ADAMTSL2: variants seen among roughly 807,000 people sequenced by gnomAD.
ADAMTSL2 encodes ADAMTS-like protein 2.
ADAMTSL2 carries 55 observed loss-of-function variants against 117.0 expected under a neutral mutation model. That is an observed-to-expected ratio of 0.47 (90% CI 0.38 to 0.59). The LOEUF is 0.59. ADAMTSL2 is among the 20% of genes least tolerant of loss of function. ADAMTSL2 has a pLI of 0.00. For synonymous variants in ADAMTSL2, 572 were observed against 566.4 expected (o/e 1.01, Z -0.14); for missense variants, 1,182 against 1,354.5 (o/e 0.87, Z 2.00).
chr9:133,532,548 C>G (rs549671819), upstream of ADAMTSL2: 15 of 152,356 alleles, frequency 9.8e-5, no homozygotes, highest in Non-Finnish European at 1.3e-4. Flanking sequence ...GGCCATACGG[C>G]TGCAACACCC....
At chr9:133,564,634 GA>G in intron 12 of ADAMTSL2, among the ~76,000 whole-genome samples, 1 of 59,504 alleles carries the variant, frequency 1.7e-5, no homozygotes. Flanking sequence ...GGGAGAGAGA[GA>G]GAGAGGGAGA....
rs1327641646 is a variant in ADAMTSL2 at position 133,554,079 on chromosome 9, G to A, written c.940-278G>A. ...TGCAGAGACGAGGGCCCACCTGGGCGTGCCTGGAAGACTGTGACGCCTTGT... is the reference window on the plus strand; with the variant it reads ...TGCAGAGACGAGGGCCCACCTGGGCATGCCTGGAAGACTGTGACGCCTTGT... On this transcript the variant is annotated intron_variant, in intron 9 of 18. Transcript: ENST00000651351. The surrounding 1 kb of genome is among the most constrained non-coding windows in gnomAD (Gnocchi z 5.2). Among the ~76,000 whole-genome samples, 8 of 152,328 alleles carry A rather than the reference G, an allele frequency of 5.3e-5. No homozygotes were observed. The highest frequency in any genetic ancestry group is 4.1e-4 in the South Asian group (2 of 4,828).
upstream of ADAMTSL2, chr9:133,532,193 T>TC (rs1272505566): frequency 2.6e-5 from 4 of 152,126 alleles, no homozygotes; most frequent in African/African-American, 4.8e-5. Context: ...CTTCTTTTTT[T>TC]TCTCTCTCTT....
chr9:133,564,195 AG>A (rs1830856002), intron 12 of ADAMTSL2, among the ~76,000 whole-genome samples: 1 of 60,990 alleles, frequency 1.6e-5, no homozygotes, highest in Non-Finnish European at 3.4e-5. Context: ...AGAGAGAGAG[AG>A]AGGGAGAGAG....
chr9:133,569,180 G>T (rs920267607), intron 15 of ADAMTSL2, among the ~76,000 whole-genome samples: 1 of 152,116 alleles, frequency 6.6e-6, no homozygotes, highest in African/African-American at 2.4e-5. Context: ...CCTCTGGGTG[G>T]TGGGTGCACA....
intron 8 of ADAMTSL2, among the ~76,000 whole-genome samples, chr9:133,546,332 C>T (rs1157996592): frequency 1.3e-5 from 2 of 151,316 alleles, no homozygotes; most frequent in Non-Finnish European, 3.0e-5. Flanking sequence ...CCCACCCACC[C>T]GGCCCCAGGA....
chr9:133,558,253 G>A lies in ADAMTSL2; in HGVS notation c.1649+2323G>A, dbSNP rs1019127939. Among the ~76,000 whole-genome samples the A allele has an allele frequency of 2.6e-5, 4 of 152,182 alleles. No individual in the cohort carries two copies. The highest frequency in any genetic ancestry group is 6.5e-5 in the Admixed American group (1 of 15,282). ...CGGCCTGCCATCAAAGGATGCTGCC[G>A]CACAGGGACCAAAGATGGTGTGGAG... On this transcript the variant is annotated intron_variant, in intron 11 of 18. Transcript: ENST00000651351. This position sits in a 1 kb window ranked among gnomAD's most constrained non-coding sequence, Gnocchi z 4.3.
intron 11 of ADAMTSL2, among the ~76,000 whole-genome samples, chr9:133,560,529 C>A (rs1310444754): frequency 1.3e-5 from 2 of 152,268 alleles, no homozygotes; most frequent in African/African-American, 2.4e-5. Flanking sequence ...ACAGTCCTAA[C>A]AATAGTTGGC....
intron 17 of ADAMTSL2, among the ~76,000 whole-genome samples, chr9:133,571,678 C>A (rs1163180582): frequency 1.3e-5 from 2 of 152,186 alleles, no homozygotes; most frequent in Admixed American, 6.5e-5. Context: ...CATCCGTGCC[C>A]CTTTCACAGC....
chr9:133,539,609 C>T (rs944172052), intron 4 of ADAMTSL2, among the ~76,000 whole-genome samples, 162 bp from the exon 5 acceptor site: 19 of 76,444 alleles, frequency 2.5e-4, no homozygotes, highest in East Asian at 5.2e-4. Context: ...CGCATGGGAG[C>T]GCGCAGGAGC....
chr9:133,544,056 A>G (rs934277391), intron 7 of ADAMTSL2, among the ~76,000 whole-genome samples: 2 of 152,202 alleles, frequency 1.3e-5, no homozygotes, highest in Non-Finnish European at 2.9e-5. Flanking sequence ...CTTGAAAGTC[A>G]ACGTGTTGTT....
chr9:133,562,256 G>T (rs1212424250), intron 12 of ADAMTSL2, among the ~76,000 whole-genome samples: 2 of 152,228 alleles, frequency 1.3e-5, no homozygotes, highest in Non-Finnish European at 2.9e-5. Context: ...GAGAGGGAGG[G>T]GCTGGGGCGG....
At chr9:133,548,987 T>G (rs1830421438) in intron 9 of ADAMTSL2, among the ~76,000 whole-genome samples, 1 of 110,468 alleles carries the variant, frequency 9.1e-6, no homozygotes, top group African/African-American at 3.4e-5. Flanking sequence ...ACTCACAGTT[T>G]CCTTCTTTTT....
chr9:133,564,945 G>A (rs1830928881), intron 12 of ADAMTSL2, among the ~76,000 whole-genome samples: 1 of 152,266 alleles, frequency 6.6e-6, no homozygotes, highest in East Asian at 1.9e-4. Context: ...AGATCAGCCT[G>A]CCCTGAGCTT....
chr9:133,569,867 G>A (rs944366997), intron 16 of ADAMTSL2, among the ~76,000 whole-genome samples: 15 of 152,232 alleles, frequency 9.9e-5, no homozygotes, highest in African/African-American at 2.7e-4. Flanking sequence ...GCTAGGGACA[G>A]GGGTTGTTTT....
rs1192070437 is a variant in ADAMTSL2 at position 133,557,347 on chromosome 9, T to C, written c.1649+1417T>C. On this transcript the variant is annotated intron_variant, in intron 11 of 18. Transcript: ENST00000651351. The surrounding 1 kb of genome is among the most constrained non-coding windows in gnomAD (Gnocchi z 5.2). ...TGGCAGGCTCTGGGCGGAATCCTAC[T>C]TTGCAGATGTGGACAGAGTGGGGCC... is the stretch of plus-strand genomic sequence containing the variant. 6.6e-6 allele frequency among the ~76,000 whole-genome samples: 1 copy of C among 152,206 alleles called. No individual in the cohort carries two copies. The highest frequency in any genetic ancestry group is 1.5e-5 in the Non-Finnish European group (1 of 68,046).
At chr9:133,549,814 T>G (rs1830441585) in intron 9 of ADAMTSL2, among the ~76,000 whole-genome samples, 1 of 152,194 alleles carries the variant, frequency 6.6e-6, no homozygotes, top group Non-Finnish European at 1.5e-5. Context: ...ATGAAACTGT[T>G]GCTTCGTCTT....
At chr9:133,555,101 G>T (rs901056528) in intron 10 of ADAMTSL2, among the ~76,000 whole-genome samples, 45 of 152,118 alleles carry the variant, frequency 3.0e-4, no homozygotes, top group African/African-American at 1.0e-3. Context: ...GGCCCCAGGC[G>T]CCCCTTGGCT....
intron 3 of ADAMTSL2, among the ~76,000 whole-genome samples, 157 bp downstream of exon 3, chr9:133,537,704 A>G (rs527593279): frequency 6.6e-6 from 1 of 152,258 alleles, no homozygotes; most frequent in African/African-American, 2.4e-5. Flanking sequence ...CCTCTGCTGG[A>G]CGCGGCTATG....
Sources: gnomAD v4.1 joint callset for allele counts (sites outside exome capture counted in the v4.1 genomes callset) on GRCh38, gnomAD v4.1.1 for gene constraint, Gnocchi (gnomAD v3.1) non-coding constraint, MANE v1.5 for transcripts, NCBI Gene and HGNC (gene_info 2026-07-23, HGNC 2026-07-21) for gene names.